UST: variants seen among roughly 807,000 people sequenced by gnomAD.
The protein encoded by UST is chondroitin sulfate 2-O-sulfotransferase.
UST carries 21 observed loss-of-function variants against 45.6 expected under a neutral mutation model. The observed-to-expected ratio is 0.46, with a 90% confidence interval of 0.33 to 0.66. The LOEUF (loss-of-function observed/expected upper bound fraction) is 0.66. Among genes scored for constraint, UST ranks in the 30% least tolerant of loss-of-function variants. UST has a pLI of 0.02. For missense variants in UST, 463 were observed against 512.4 expected (o/e 0.90, Z 0.93); for synonymous variants, 215 against 200.6 (o/e 1.07, Z -0.61).
intron 2 of UST, among the ~76,000 whole-genome samples, chr6:148,906,861 G>A (rs4897069): frequency 0.36 from 55,205 of 151,980 alleles, 10,907 homozygotes; most frequent in Non-Finnish European, 0.45. Flanking sequence ...TTGTTGGCAT[G>A]GTATGAGTTA....
chr6:148,994,780 C>T (rs1021281170), intron 5 of UST, among the ~76,000 whole-genome samples: 5 of 151,978 alleles, frequency 3.3e-5, no homozygotes, highest in African/African-American at 9.7e-5. Context: ...TTCCCGTTTT[C>T]CTTGCCCTGC....
intron 2 of UST, among the ~76,000 whole-genome samples, chr6:148,930,347 C>T (rs1779897992): frequency 6.6e-6 from 1 of 152,166 alleles, no homozygotes; most frequent in African/African-American, 2.4e-5. Context: ...GAGCTGAACA[C>T]TGAAGATACA....
chr6:148,747,191 C>G lies in UST; in HGVS notation c.-240C>G. ...AGCGGGCGCCGGACGGGCGCGGCGC[C>G]CCGTCACGGGCAGCGCCCCGAACCG... is the stretch of plus-strand genomic sequence containing the variant. On this transcript the variant is annotated 5_prime_UTR_variant, in exon 1 of 8. Coordinates refer to ENST00000367463, the MANE Select transcript of UST (RefSeq NM_005715.3). The G allele has an allele frequency of 3.9e-6, 1 of 256,090 alleles. No homozygotes were observed. Among genetic ancestry groups the G allele is most frequent in the Non-Finnish European group, 7.1e-6 (1 of 141,650 alleles). 15.9% of individuals were successfully genotyped at this position (256,090 alleles called of 1,614,324 possible). A position where few individuals can be genotyped will look rare whatever the true frequency, so the allele number is the denominator to read the frequency against.
intron 3 of UST, among the ~76,000 whole-genome samples, chr6:148,951,533 C>T (rs888729302): frequency 2.0e-5 from 3 of 152,060 alleles, no homozygotes; most frequent in African/African-American, 4.8e-5. Context: ...AGAGGTGGCT[C>T]GTTGGTGATT....
intron 5 of UST, among the ~76,000 whole-genome samples, chr6:149,001,907 G>C (rs1302758890): frequency 1.3e-5 from 2 of 152,134 alleles, no homozygotes; most frequent in Non-Finnish European, 2.9e-5. Context: ...CTCCGATTTG[G>C]AGGAATATAA....
At chr6:149,054,858 G>A (rs1776538978) in intron 7 of UST, among the ~76,000 whole-genome samples, 1 of 152,152 alleles carries the variant, frequency 6.6e-6, no homozygotes, top group Admixed American at 6.5e-5. Context: ...GTCTCACTCT[G>A]TTGCCCAGAC....
chr6:148,924,503 C>T (rs1341098727), intron 2 of UST, among the ~76,000 whole-genome samples: 3 of 152,166 alleles, frequency 2.0e-5, no homozygotes, highest in Admixed American at 6.5e-5. Context: ...ACACTGAAGA[C>T]GGTTTTGCCA....
chr6:148,827,932 G>C (rs1217753724), intron 1 of UST, among the ~76,000 whole-genome samples: 3 of 151,954 alleles, frequency 2.0e-5, no homozygotes, highest in Non-Finnish European at 4.4e-5. Flanking sequence ...GGATTAAGGA[G>C]AGTAAGAAAT....
chr6:148,873,107 C>T (rs951693583), intron 1 of UST, among the ~76,000 whole-genome samples: 4 of 152,192 alleles, frequency 2.6e-5, no homozygotes, highest in African/African-American at 9.7e-5. Flanking sequence ...TTTTCTGTTG[C>T]TGACAAATGT....
intron 2 of UST, among the ~76,000 whole-genome samples, chr6:148,915,205 A>G (rs1397644526): frequency 2.6e-5 from 4 of 152,222 alleles, no homozygotes; most frequent in Non-Finnish European, 5.9e-5. Context: ...AGCAGATTAA[A>G]TTGGACTACA....
At chr6:148,864,606 C>T (rs1364780408) in intron 1 of UST, among the ~76,000 whole-genome samples, 1 of 152,242 alleles carries the variant, frequency 6.6e-6, no homozygotes, top group African/African-American at 2.4e-5. Context: ...AGACTGGAAC[C>T]GTTCCTATTC....
chr6:149,061,728 G>A (rs909692406), intron 7 of UST, among the ~76,000 whole-genome samples: 1 of 152,180 alleles, frequency 6.6e-6, no homozygotes, highest in Non-Finnish European at 1.5e-5. Context: ...CCAGCTTTCT[G>A]TGGATACTCC....
chr6:149,013,369 A>G (rs1433728531), intron 5 of UST, among the ~76,000 whole-genome samples: 1 of 152,126 alleles, frequency 6.6e-6, no homozygotes, highest in Non-Finnish European at 1.5e-5. Flanking sequence ...TACTAAAAAT[A>G]CAAAAAATTA....
chr6:149,009,843 A>AT (rs1347995004), intron 5 of UST, among the ~76,000 whole-genome samples: 2 of 151,244 alleles, frequency 1.3e-5, no homozygotes, highest in African/African-American at 4.9e-5. Flanking sequence ...TGACATGTAC[A>AT]TATTACTTTG....
At position 148,747,484 on chromosome 6, in the gene UST, G is replaced by T; in HGVS notation, c.54G>T (p.Gly18=). Residue 18 remains glycine, a synonymous_variant, in exon 1 of 8, where the codon GGG becomes GGT. Coordinates refer to ENST00000367463, the MANE Select transcript of UST (RefSeq NM_005715.3). ...PGGGADPWPH[G]APMGGAPPGL... ...GCGGCGCGGATCCCTGGCCCCATGGGGCCCCTATGGGGGGCGCCCCTCCGG... is the reference window on the plus strand; with the variant it reads ...GCGGCGCGGATCCCTGGCCCCATGGTGCCCCTATGGGGGGCGCCCCTCCGG... 6.7e-7 allele frequency: 1 copy of T among 1,493,032 alleles called. No homozygotes were observed. 92.5% of individuals were successfully genotyped at this position (1,493,032 alleles called of 1,614,324 possible).
intron 1 of UST, among the ~76,000 whole-genome samples, chr6:148,881,142 TG>T (rs1340368358): frequency 2.0e-5 from 3 of 152,138 alleles, no homozygotes; most frequent in Admixed American, 2.0e-4. Context: ...AGCAGCAGCA[TG>T]GAGTTCCCAG....
At chr6:148,863,851 T>G (rs1016482378) in intron 1 of UST, among the ~76,000 whole-genome samples, 2 of 152,204 alleles carry the variant, frequency 1.3e-5, no homozygotes, top group Non-Finnish European at 2.9e-5. Context: ...TCCTGCCTGA[T>G]CCTTCTTCTG....
At chr6:148,984,512 ATT>A (rs1377780140) in intron 5 of UST, among the ~76,000 whole-genome samples, 5 of 152,150 alleles carry the variant, frequency 3.3e-5, no homozygotes, top group African/African-American at 1.2e-4. Flanking sequence ...ACATGATAGG[ATT>A]TGCATTTATT....
chr6:148,872,346 A>T (rs1018202624), intron 1 of UST, among the ~76,000 whole-genome samples: 1 of 152,210 alleles, frequency 6.6e-6, no homozygotes, highest in Non-Finnish European at 1.5e-5. Context: ...ATTTTTATGT[A>T]ATTATTCATA....
Sources: gnomAD v4.1 joint callset for allele counts (sites outside exome capture counted in the v4.1 genomes callset) on GRCh38, gnomAD v4.1.1 for gene constraint, MANE v1.5 for transcripts, NCBI Gene and HGNC (gene_info 2026-07-23, HGNC 2026-07-21) for gene names.